PBX1: variants seen among roughly 807,000 people sequenced by gnomAD.
PBX1 encodes PBX homeobox 1.
PBX1 carries 6 observed loss-of-function variants against 53.4 expected under a neutral mutation model. The ratio of observed to expected loss-of-function variants is 0.11; its 90% CI spans 0.06 to 0.22. PBX1 has a LOEUF of 0.22. Among genes scored for constraint, PBX1 ranks in the 10% least tolerant of loss-of-function variants. The pLI, the probability that PBX1 is intolerant of heterozygous loss-of-function variation, is 1.00. For synonymous variants in PBX1, 204 were observed against 212.3 expected, an observed-to-expected ratio of 0.96 and a Z score of 0.34; for missense variants, 251 against 551.4, an observed-to-expected ratio of 0.46 and a Z score of 5.46.
chr1:164,612,408 T>C (rs1339561116), intron 2 of PBX1, among the ~76,000 whole-genome samples: 1 of 152,148 alleles, frequency 6.6e-6, no homozygotes, highest in Non-Finnish European at 1.5e-5. Flanking sequence ...GGGACTTCTA[T>C]GTGACCAAGT....
At chr1:164,683,598 G>C (rs1204933318) in intron 2 of PBX1, 2 of 152,176 alleles carry the variant, frequency 1.3e-5, no homozygotes, top group South Asian at 2.1e-4. Context: ...AATGTGTCAG[G>C]AACTACCACC....
intron 2 of PBX1, among the ~76,000 whole-genome samples, chr1:164,875,811 C>T (rs1262775016): frequency 6.6e-6 from 1 of 151,818 alleles, no homozygotes; most frequent in Non-Finnish European, 1.5e-5. Context: ...TGTCACAGAA[C>T]TGGAATGTAA....
chr1:164,618,451 G>A (rs1033409510), intron 2 of PBX1, among the ~76,000 whole-genome samples: 1 of 152,058 alleles, frequency 6.6e-6, no homozygotes, highest in African/African-American at 2.4e-5. Flanking sequence ...GTTTAATTTT[G>A]CACAGCTCCA....
At chr1:164,615,946 G>A (rs1308682585) in intron 2 of PBX1, among the ~76,000 whole-genome samples, 2 of 152,156 alleles carry the variant, frequency 1.3e-5, no homozygotes, top group East Asian at 3.9e-4. Flanking sequence ...AGGAGTCTGG[G>A]GAGGCCAGGG....
intron 2 of PBX1, among the ~76,000 whole-genome samples, chr1:164,591,550 C>T (rs1655382427): frequency 6.6e-6 from 1 of 152,168 alleles, no homozygotes; most frequent in African/African-American, 2.4e-5. Context: ...TTAGCAGCAG[C>T]ATTTGCATAC....
intron 2 of PBX1, among the ~76,000 whole-genome samples, chr1:164,564,605 G>A (rs1263816230): frequency 6.6e-6 from 1 of 152,156 alleles, no homozygotes; most frequent in East Asian, 1.9e-4. Context: ...AAGCACCTGA[G>A]AAGTGATGTT....
intron 2 of PBX1, among the ~76,000 whole-genome samples, chr1:164,702,265 G>A (rs1042755578): frequency 2.6e-5 from 4 of 152,042 alleles, no homozygotes; most frequent in Admixed American, 2.0e-4. Flanking sequence ...GCATCATAAT[G>A]TGCACCTGAA....
chr1:164,815,465 A>G (rs1393331807), intron 6 of PBX1: 4 of 152,252 alleles, frequency 2.6e-5, no homozygotes, highest in Non-Finnish European at 5.9e-5. Context: ...TGGCAAGCCC[A>G]TATACATAAT....
intron 2 of PBX1, among the ~76,000 whole-genome samples, chr1:164,786,747 A>G (rs1309296846): frequency 6.7e-6 from 1 of 150,268 alleles, no homozygotes; most frequent in Non-Finnish European, 1.5e-5. Context: ...ACACGCACAG[A>G]ATAGATATCA....
At chr1:164,718,163 C>T (rs536273326) in intron 2 of PBX1, among the ~76,000 whole-genome samples, 51 of 152,298 alleles carry the variant, frequency 3.3e-4, no homozygotes, top group Non-Finnish European at 5.7e-4. Context: ...GGACTTACCA[C>T]GAATGTGGCA....
At chr1:164,741,268 T>A (rs1307370398) in intron 2 of PBX1, among the ~76,000 whole-genome samples, 1 of 152,222 alleles carries the variant, frequency 6.6e-6, no homozygotes, top group Non-Finnish European at 1.5e-5. Flanking sequence ...GAGGAAGAGA[T>A]CTCTGGACTC....
chr1:164,796,243 T>C (rs1668780324), intron 3 of PBX1, among the ~76,000 whole-genome samples: 1 of 152,106 alleles, frequency 6.6e-6, no homozygotes, highest in Admixed American at 6.5e-5. Flanking sequence ...GCTCCTGACA[T>C]CGTGTTCACC....
intron 2 of PBX1, among the ~76,000 whole-genome samples, chr1:164,700,086 C>T (rs1346696672): frequency 2.7e-5 from 4 of 149,792 alleles, no homozygotes; most frequent in Admixed American, 2.0e-4. Flanking sequence ...CGCAACATGC[C>T]GGAACAGAGA....
intron 2 of PBX1, among the ~76,000 whole-genome samples, chr1:164,875,877 A>G (rs1009406189): frequency 6.6e-6 from 1 of 151,836 alleles, no homozygotes; most frequent in African/African-American, 2.4e-5. Context: ...GTGACTTTAT[A>G]ATAAAAGTAA....
intron 2 of PBX1, among the ~76,000 whole-genome samples, chr1:164,648,554 G>T (rs1659601274): frequency 1.3e-5 from 2 of 152,142 alleles, no homozygotes; most frequent in Admixed American, 6.5e-5. Flanking sequence ...GGACATGGAG[G>T]CCCAGAGAGG....
At chr1:164,577,139 C>T (rs1301825515) in intron 2 of PBX1, 1 of 152,184 alleles carries the variant, frequency 6.6e-6, no homozygotes, top group Non-Finnish European at 1.5e-5. Flanking sequence ...ATAATATAAT[C>T]TGGAGTTACT....
chr1:164,560,691 G>T (rs1652976956), intron 1 of PBX1, among the ~76,000 whole-genome samples: 1 of 151,846 alleles, frequency 6.6e-6, no homozygotes, highest in South Asian at 2.1e-4. Context: ...TTGTTTTTAG[G>T]CATATTTGTT....
At chr1:164,581,778 G>C (rs1428018897) in intron 2 of PBX1, among the ~76,000 whole-genome samples, 1 of 152,068 alleles carries the variant, frequency 6.6e-6, no homozygotes, top group Non-Finnish European at 1.5e-5. Flanking sequence ...CCTTAATAAA[G>C]AAAATTTTAC....
At chr1:164,718,440 C>T (rs775020909) in intron 2 of PBX1, among the ~76,000 whole-genome samples, 36 of 152,240 alleles carry the variant, frequency 2.4e-4, no homozygotes, top group African/African-American at 6.7e-4. Context: ...CACTAATGGG[C>T]GTTGTTCCCA....
Sources: allele counts gnomAD v4.1 joint callset (sites outside exome capture counted in the v4.1 genomes callset), GRCh38; gene constraint gnomAD v4.1.1; transcripts MANE v1.5; gene names NCBI Gene and HGNC (gene_info 2026-07-23, HGNC 2026-07-21).